The following TM2D3 variants were observed in gnomAD, a reference collection of about 807,000 sequenced individuals.
The protein encoded by TM2D3 is TM2 domain-containing protein 3.
In TM2D3, 33 loss-of-function variants were observed where a neutral mutation model predicts 27.3. The observed-to-expected ratio is 1.21, with a 90% CI of 0.92 to 1.61. The LOEUF (loss-of-function observed/expected upper bound fraction) is 1.61. Ranked by LOEUF, TM2D3 falls within the 40% of genes most tolerant of loss-of-function variation. The probability of loss-of-function intolerance (pLI) is 0.00; values close to 1 mark genes in which losing one functional copy is unlikely to be tolerated. For missense variants in TM2D3, 364 were observed against 320.8 expected, an observed-to-expected ratio of 1.13 and a Z score of -1.03; for synonymous variants, 138 against 122.2, an observed-to-expected ratio of 1.13 and a Z score of -0.85.
Position 101,642,363 on chromosome 15 carries a change from C to G in TM2D3, c.*116G>C. On this transcript the variant is annotated 3_prime_UTR_variant, in exon 6 of 6. Coordinates refer to ENST00000333202, the MANE Select transcript of TM2D3 (RefSeq NM_078474.3). ...TTTATCTTACCTTTATCAAGGCAAA[C>G]AAAGTACAGATGCTGTACATTAAAA... is the stretch of plus-strand genomic sequence containing the variant. 7.4e-7 allele frequency: 1 copy of G among 1,358,210 alleles called. No individual in the cohort carries two copies. The highest frequency in any genetic ancestry group is 9.5e-7 in the Non-Finnish European group (1 of 1,050,514). The allele number at this position is 1,358,210 out of a possible 1,614,324, so 84.1% of individuals were successfully genotyped here.
At position 101,651,776 on chromosome 15, in the gene TM2D3, A is replaced by G. The variant is rs746517686; in HGVS notation, c.92-3T>C. On this transcript the variant is annotated splice_region_variant and splice_polypyrimidine_tract_variant and intron_variant, in intron 1 of 5. Coordinates refer to ENST00000333202, the MANE Select transcript of TM2D3 (RefSeq NM_078474.3). ...CTGAGCCAGCGCCTGCGATTGCTCT[A>G]AATTTAAGGATCGTACAATTAGAGA... 86 of 1,613,840 alleles carry G rather than the reference A, an allele frequency of 5.3e-5. No individual in the cohort carries two copies. Among genetic ancestry groups the G allele is most frequent in the Non-Finnish European group, 7.0e-5 (83 of 1,179,860 alleles).
chr15:101,649,828 G>C (rs1023076761), intron 3 of TM2D3, among the ~76,000 whole-genome samples, 176 bp downstream of exon 3: 1 of 152,222 alleles, frequency 6.6e-6, no homozygotes, highest in Non-Finnish European at 1.5e-5. Context: ...GTAGTGAGCT[G>C]ATATGGAAAG....
rs1896750957 is a variant in TM2D3, at chr15:101,644,396, C to T, written c.578+691G>A. On this transcript the variant is annotated intron_variant, in intron 5 of 5. Transcript: ENST00000333202. The stretch of plus-strand genomic sequence containing the variant: ...GCCAGTGATGCTGCTCAACACCCTG[C>T]TATGCACAGCACAGCCCCAAGACAA... 1.3e-5 allele frequency among the ~76,000 whole-genome samples: 2 copies of T among 152,176 alleles called. 1 individual carries two copies. The highest frequency in any genetic ancestry group is 2.9e-5 in the Non-Finnish European group (2 of 68,020).
chr15:101,645,037 T>A lies in TM2D3; in HGVS notation c.578+50A>T, dbSNP rs1567311860. 3.3e-6 allele frequency: 5 copies of A among 1,515,534 alleles called. No individual in the cohort carries two copies. In the South Asian group the frequency reaches 4.6e-5, roughly 14 times the overall value. 93.9% of individuals were successfully genotyped at this position (1,515,534 alleles called of 1,614,324 possible). ...GCTCAATGTCTGAAGATTCCACCAATCCCAAAGAAATGCAAACGGCCTTTT... is the reference window on the plus strand; with the variant it reads ...GCTCAATGTCTGAAGATTCCACCAAACCCAAAGAAATGCAAACGGCCTTTT... On this transcript the variant is annotated intron_variant, in intron 5 of 5. Coordinates refer to ENST00000333202, the MANE Select transcript of TM2D3 (RefSeq NM_078474.3).
At chr15:101,649,432 A>T (rs757784569) in intron 3 of TM2D3, among the ~76,000 whole-genome samples, 1 of 152,152 alleles carries the variant, frequency 6.6e-6, no homozygotes, top group Non-Finnish European at 1.5e-5. Flanking sequence ...TATAACAGCA[A>T]CTATCTGGTG....
rs1433871824 is a variant in TM2D3 at position 101,642,133 on chromosome 15, T to G, written c.*346A>C. ...CCTGCAGTCACAGCTGAAAGACTTT[T>G]CAAGGCAGACTACATTTGGGCTGGA... On this transcript the variant is annotated 3_prime_UTR_variant, in exon 6 of 6. Coordinates refer to ENST00000333202, the MANE Select transcript of TM2D3 (RefSeq NM_078474.3). 2.0e-6 allele frequency: 2 copies of G among 999,444 alleles called. No homozygotes were observed. The highest frequency in any genetic ancestry group is 3.5e-5 in the African/African-American group (2 of 57,850). 61.9% of individuals were successfully genotyped at this position (999,444 alleles called of 1,614,324 possible). A position where few individuals can be genotyped will look rare whatever the true frequency, so the allele number is the denominator to read the frequency against.
rs368029514 is a variant in TM2D3 at position 101,650,159 on chromosome 15, T to C, written c.172A>G (p.Ser58Gly). ...TFTVVPRAAE[S>G]TEIPPYVMKC... ...ATCACATAAGGTGGGATTTCAGTAC[T>C]TTCTGTGAGAGGCAAGAGAGAAGCT... The change falls in exon 3 of 6, where the codon AGT (serine) becomes GGT (glycine). Residue 58 changes from serine (S) to glycine (G), a missense_variant and splice_region_variant. Physicochemically the swap from Ser to Gly is moderately conservative, Grantham distance 56. Transcript: ENST00000333202. 42 of 1,611,966 alleles carry C rather than the reference T, an allele frequency of 2.6e-5. No individual in the cohort carries two copies. In the East Asian group the frequency reaches 6.2e-4, roughly 24 times the overall value.
At chr15:101,644,640 A>C (rs1212015543) in intron 5 of TM2D3, among the ~76,000 whole-genome samples, 1 of 152,192 alleles carries the variant, frequency 6.6e-6, no homozygotes, top group African/African-American at 2.4e-5. Flanking sequence ...AGTTTAACAA[A>C]CAGCACATTT....
rs1896977051 is a variant in TM2D3 at position 101,651,740 on chromosome 15, TCCTTTATTGA to T, written c.115_124del (p.Ser39IlefsTer10). 1 of 1,614,050 alleles carries T rather than the reference TCCTTTATTGA, an allele frequency of 6.2e-7. No homozygotes were observed. The highest frequency in any genetic ancestry group is 8.5e-7 in the Non-Finnish European group (1 of 1,180,040). On this transcript the variant is annotated frameshift_variant, in exon 2 of 6. Coordinates refer to ENST00000333202, the MANE Select transcript of TM2D3 (RefSeq NM_078474.3). LOFTEE classifies it high-confidence loss of function. ...TGTGAATGTGCGTGTTGGGCCCGGA[TCCTTTATTGA>T]CTGAGCCAGCGCCTGCGATTGCTCT...
chr15:101,642,101 C>A lies in TM2D3; in HGVS notation c.*378G>T. The stretch of plus-strand genomic sequence containing the variant: ...GCAATTAGCTAACAATAAAAACACT[C>A]CCACTTCCTGCAGTCACAGCTGAAA... On this transcript the variant is annotated 3_prime_UTR_variant, in exon 6 of 6. Coordinates refer to ENST00000333202, the MANE Select transcript of TM2D3 (RefSeq NM_078474.3). 1.0e-6 allele frequency: 1 copy of A among 991,194 alleles called. No homozygotes were observed. The highest frequency in any genetic ancestry group is 1.2e-6 in the Non-Finnish European group (1 of 833,616). The allele number at this position is 991,194 out of a possible 1,614,324, so 61.4% of individuals were successfully genotyped here.
At chr15:101,634,015 C>T in intron 4 of TM2D3, 1 of 295,266 alleles carries the variant, frequency 3.4e-6, no homozygotes, top group Non-Finnish European at 6.2e-6. Context: ...TAAAAAGGTA[C>T]CAAGGGAAAT....
intron 3 of TM2D3, among the ~76,000 whole-genome samples, chr15:101,649,352 G>T (rs1896907339): frequency 6.6e-6 from 1 of 151,720 alleles, no homozygotes; most frequent in Non-Finnish European, 1.5e-5. Flanking sequence ...GGAGTCAAAT[G>T]TATCAATTCT....
At position 101,644,219 on chromosome 15, in the gene TM2D3, G is replaced by A. The variant is rs1896746456; in HGVS notation, c.578+868C>T. ...TTTTCAGTTACACTTTTCCTGCCAGGCAAGATCCTTCTTTCCTCAGCTCAA... is the reference window on the plus strand; with the variant it reads ...TTTTCAGTTACACTTTTCCTGCCAGACAAGATCCTTCTTTCCTCAGCTCAA... On this transcript the variant is annotated intron_variant, in intron 5 of 5. Coordinates refer to ENST00000333202, the MANE Select transcript of TM2D3 (RefSeq NM_078474.3). Among the ~76,000 whole-genome samples, 4 of 152,210 alleles carry A rather than the reference G, an allele frequency of 2.6e-5. No homozygotes were observed. In the South Asian group the frequency reaches 8.3e-4, roughly 32 times the overall value.
chr15:101,633,088 A>T (rs1005565749), exon 5 of TM2D3: 1 of 152,228 alleles, frequency 6.6e-6, no homozygotes, highest in Non-Finnish European at 1.5e-5. Flanking sequence ...ACTTTCAAGT[A>T]TGAGGGTGAA....
chr15:101,647,644 T>G (rs929952504), intron 3 of TM2D3, among the ~76,000 whole-genome samples: 1 of 152,224 alleles, frequency 6.6e-6, no homozygotes, highest in Non-Finnish European at 1.5e-5. Context: ...CTTTGTATGT[T>G]ACATATTTGA....
exon 5 of TM2D3, chr15:101,633,209 G>A (rs1896486361): frequency 6.5e-6 from 1 of 153,138 alleles, no homozygotes; most frequent in Admixed American, 6.5e-5. Context: ...AATGATAACA[G>A]AAGGAAATGT....
chr15:101,652,028 G>C (rs1896993967), intron 1 of TM2D3: 2 of 564,248 alleles, frequency 3.5e-6, no homozygotes, highest in South Asian at 2.2e-5. Flanking sequence ...GCCCCCAAGC[G>C]CTCCATCTCC....
At chr15:101,638,108 G>C (rs1896587515), downstream of TM2D3, among the ~76,000 whole-genome samples, 4 of 152,036 alleles carry the variant, frequency 2.6e-5, no homozygotes, top group Admixed American at 2.0e-4. Flanking sequence ...CCCAGGCTTT[G>C]GATCCTTTAT....
chr15:101,648,141 C>T (rs966857026), intron 3 of TM2D3: 4 of 152,186 alleles, frequency 2.6e-5, no homozygotes, highest in African/African-American at 9.7e-5. Context: ...AGGTGATTCA[C>T]CTGCCTCGGC....
Sources: allele counts gnomAD v4.1 joint callset (sites outside exome capture counted in the v4.1 genomes callset), GRCh38; gene constraint gnomAD v4.1.1; transcripts MANE v1.5; gene names NCBI Gene and HGNC (gene_info 2026-07-23, HGNC 2026-07-21).